STK32B: variants seen among roughly 807,000 people sequenced by gnomAD.
The protein encoded by STK32B is serine/threonine kinase 32B, also known as serine/threonine-protein kinase 32B.
In STK32B, 43 loss-of-function variants were observed where a neutral mutation model predicts 52.6. The ratio of observed to expected loss-of-function variants is 0.82; its 90% CI spans 0.64 to 1.05. The LOEUF is 1.05. Among genes scored for constraint, STK32B ranks in the 50% least tolerant of loss-of-function variants. The pLI, the probability that STK32B is intolerant of heterozygous loss-of-function variation, is 0.00. For missense variants in STK32B, 621 were observed against 534.6 expected, an observed-to-expected ratio of 1.16 and a Z score of -1.59; for synonymous variants, 238 against 204.3, an observed-to-expected ratio of 1.17 and a Z score of -1.41.
chr4:5,314,128 A>G (rs1234234691), intron 3 of STK32B, among the ~76,000 whole-genome samples: 2 of 152,080 alleles, frequency 1.3e-5, no homozygotes, highest in Non-Finnish European at 2.9e-5. Flanking sequence ...TTTGAAAAAA[A>G]AATAAAGCAG....
intron 4 of STK32B, among the ~76,000 whole-genome samples, chr4:5,344,995 A>G (rs1733352965): frequency 6.6e-6 from 1 of 151,966 alleles, no homozygotes; most frequent in African/African-American, 2.4e-5. Flanking sequence ...GAGCCGTGAT[A>G]GTGCTGCTGC....
chr4:5,088,587 C>T (rs1385121277), intron 1 of STK32B, among the ~76,000 whole-genome samples: 1 of 151,824 alleles, frequency 6.6e-6, no homozygotes, highest in Non-Finnish European at 1.5e-5. Flanking sequence ...TTTAACCATA[C>T]ATTTTAAAAT....
intron 11 of STK32B, among the ~76,000 whole-genome samples, chr4:5,492,971 G>T (rs1472832605): frequency 6.6e-6 from 1 of 150,986 alleles, no homozygotes; most frequent in Admixed American, 6.6e-5. Flanking sequence ...TGCTGGATTC[G>T]GTTTGCCAGT....
intron 1 of STK32B, among the ~76,000 whole-genome samples, chr4:5,121,198 T>A (rs1715006694): frequency 6.6e-6 from 1 of 152,218 alleles, no homozygotes; most frequent in Admixed American, 6.5e-5. Context: ...CATTCTTGAA[T>A]TACTTCAAAT....
At chr4:5,127,161 CT>C in intron 1 of STK32B, 1 of 495,412 alleles carries the variant, frequency 2.0e-6, no homozygotes, top group Non-Finnish European at 4.0e-6. Flanking sequence ...TACATTTTTA[CT>C]TATCTTTCCG....
At chr4:5,022,473 C>T in the STK32B span, among the ~76,000 whole-genome samples, 1 of 152,194 alleles carries the variant, frequency 6.6e-6, no homozygotes, top group Admixed American at 6.5e-5. Flanking sequence ...TCCTTCACCA[C>T]GAATCACCTG....
the STK32B span, among the ~76,000 whole-genome samples, chr4:5,041,528 C>T: frequency 6.6e-6 from 1 of 152,046 alleles, no homozygotes; most frequent in Non-Finnish European, 1.5e-5. Flanking sequence ...GCTGGGCTAC[C>T]AAGTTCCCAA....
the STK32B span, among the ~76,000 whole-genome samples, chr4:5,033,378 C>T: frequency 6.6e-6 from 1 of 152,206 alleles, no homozygotes; most frequent in Non-Finnish European, 1.5e-5. Flanking sequence ...GTAAGGCTTC[C>T]TCCCTTGGGA....
chr4:5,445,270 C>A (rs1715284747), intron 6 of STK32B, among the ~76,000 whole-genome samples: 1 of 152,132 alleles, frequency 6.6e-6, no homozygotes, highest in South Asian at 2.1e-4. Flanking sequence ...AGCCAGCGCC[C>A]CCAGGTCAAC....
At chr4:5,218,231 A>G (rs183506368) in intron 3 of STK32B, among the ~76,000 whole-genome samples, 1 of 152,308 alleles carries the variant, frequency 6.6e-6, no homozygotes, top group East Asian at 1.9e-4. Flanking sequence ...TGATGTGAGT[A>G]GTGGCAAAGA....
intron 2 of STK32B, among the ~76,000 whole-genome samples, chr4:5,150,794 G>C (rs1413138368): frequency 6.6e-6 from 1 of 152,084 alleles, no homozygotes; most frequent in Non-Finnish European, 1.5e-5. Context: ...GAAGTTAGGA[G>C]GTTTGCCCAT....
At chr4:5,474,384 G>C (rs1718075902) in intron 11 of STK32B, among the ~76,000 whole-genome samples, 1 of 152,226 alleles carries the variant, frequency 6.6e-6, no homozygotes, top group South Asian at 2.1e-4. Flanking sequence ...CTTCTCATCT[G>C]TGCCATCAAG....
At chr4:5,183,399 C>G (rs1177167059) in intron 3 of STK32B, among the ~76,000 whole-genome samples, 1 of 151,598 alleles carries the variant, frequency 6.6e-6, no homozygotes, top group Non-Finnish European at 1.5e-5. Context: ...ATCGCTTGAA[C>G]TGAGGAAGCA....
At chr4:5,340,252 G>A (rs866018222) in intron 4 of STK32B, among the ~76,000 whole-genome samples, 6 of 152,330 alleles carry the variant, frequency 3.9e-5, no homozygotes, top group Middle Eastern at 3.4e-3. Flanking sequence ...CCATGACAGA[G>A]CACTACACAG....
At chr4:5,370,996 G>GTGTGTGTGTGTATA (rs570241863) in intron 4 of STK32B, among the ~76,000 whole-genome samples, 21 of 141,044 alleles carry the variant, frequency 1.5e-4, no homozygotes, top group African/African-American at 3.7e-4. Context: ...GTGTGTGTGT[G>GTGTGTGTGTGTATA]TATATATATA....
At chr4:5,118,002 G>A (rs866793107) in intron 1 of STK32B, among the ~76,000 whole-genome samples, 2 of 152,096 alleles carry the variant, frequency 1.3e-5, no homozygotes, top group South Asian at 2.1e-4. Context: ...CAGGGATGTC[G>A]GCCTGTAAGT....
intron 4 of STK32B, among the ~76,000 whole-genome samples, chr4:5,384,168 T>C (rs1027692941): frequency 6.6e-6 from 1 of 152,086 alleles, no homozygotes; most frequent in Admixed American, 6.5e-5. Context: ...GCCCAGCTCA[T>C]CAGGGCCCTG....
intron 7 of STK32B, among the ~76,000 whole-genome samples, chr4:5,450,158 C>A (rs1205822318): frequency 6.6e-6 from 1 of 152,156 alleles, no homozygotes; most frequent in African/African-American, 2.4e-5. Context: ...CAACTTCTCT[C>A]TGACCCAAAC....
chr4:5,243,750 C>T (rs1482344755), intron 3 of STK32B, among the ~76,000 whole-genome samples: 2 of 151,974 alleles, frequency 1.3e-5, no homozygotes, highest in Non-Finnish European at 2.9e-5. Context: ...TGAGATATGT[C>T]CCATCAATAC....
Sources: gnomAD v4.1 joint callset for allele counts (sites outside exome capture counted in the v4.1 genomes callset) on GRCh38, gnomAD v4.1.1 for gene constraint, MANE v1.5 for transcripts, NCBI Gene and HGNC (gene_info 2026-07-23, HGNC 2026-07-21) for gene names.